FANCA: variants seen among roughly 807,000 people sequenced by gnomAD.
FANCA encodes FA complementation group A.
FANCA carries 236 observed loss-of-function variants against 194.3 expected under a neutral mutation model. The observed-to-expected ratio is 1.21, with a 90% CI of 1.09 to 1.35. FANCA has a LOEUF of 1.35. FANCA is among the 40% of genes most tolerant of loss of function. The pLI, the probability that FANCA is intolerant of heterozygous loss-of-function variation, is 0.00. For missense variants in FANCA, 2,628 were observed against 1,813.9 expected, an observed-to-expected ratio of 1.45 and a Z score of -8.15; for synonymous variants, 1,014 against 715.8, an observed-to-expected ratio of 1.42 and a Z score of -6.65.
chr16:89,758,495 A>G (rs1231219898), intron 30 of FANCA, 82 bp downstream of exon 30: 7 of 1,552,526 alleles, frequency 4.5e-6, no homozygotes, highest in African/African-American at 1.4e-5. Flanking sequence ...GATGGGCACC[A>G]GCATGGCCAG....
chr16:89,768,319 G>C (rs2039199913), intron 26 of FANCA, among the ~76,000 whole-genome samples: 1 of 152,204 alleles, frequency 6.6e-6, no homozygotes, highest in Non-Finnish European at 1.5e-5. Context: ...TGAGGCAATG[G>C]AGATGTCAAA....
At chr16:89,802,341 G>T (rs1226450176) in intron 8 of FANCA, among the ~76,000 whole-genome samples, 1 of 151,476 alleles carries the variant, frequency 6.6e-6, no homozygotes, top group African/African-American at 2.4e-5. Context: ...GACCTCAGGG[G>T]ATCCACCAGT....
chr16:89,768,220 CTG>C (rs2039197006), intron 26 of FANCA, among the ~76,000 whole-genome samples: 1 of 152,126 alleles, frequency 6.6e-6, no homozygotes, highest in Admixed American at 6.6e-5. Context: ...ACAGTGAGAC[CTG>C]TGTCATTTAC....
At chr16:89,800,150 T>C (rs1041421263) in intron 8 of FANCA, among the ~76,000 whole-genome samples, 30 of 152,238 alleles carry the variant, frequency 2.0e-4, no homozygotes, top group Admixed American at 1.8e-3. Context: ...CCTGAGGCCA[T>C]GAGCCTAGGG....
At chr16:89,770,655 T>C (rs1445972838) in intron 23 of FANCA, 21 bp from the exon 24 acceptor site, 2 of 1,589,934 alleles carry the variant, frequency 1.3e-6, no homozygotes, top group East Asian at 4.6e-5. Flanking sequence ...ACAGTTCTCA[T>C]GAGCGTGGTG....
intron 14 of FANCA, among the ~76,000 whole-genome samples, chr16:89,789,902 C>G (rs1302074398): frequency 6.6e-6 from 1 of 152,132 alleles, no homozygotes; most frequent in Non-Finnish European, 1.5e-5. Context: ...TCCCTGAGGT[C>G]TCAGGAGCTC....
At chr16:89,788,705 C>T (rs1232041630) in intron 14 of FANCA, among the ~76,000 whole-genome samples, 1 of 151,952 alleles carries the variant, frequency 6.6e-6, no homozygotes. Flanking sequence ...GAAGCGGAGG[C>T]AGGAGGACTG....
At position 89,787,701 on chromosome 16, in the gene FANCA, A is replaced by G. The variant is rs143137055; in HGVS notation, c.1360-2737T>C. Among the ~76,000 whole-genome samples the G allele has an allele frequency of 1.6e-3, 237 of 152,122 alleles. 1 individual carries two copies. The highest frequency in any genetic ancestry group is 5.0e-3 in the African/African-American group (209 of 41,496). On this transcript the variant is annotated intron_variant, in intron 14 of 42. Coordinates refer to ENST00000389301, the MANE Select transcript of FANCA (RefSeq NM_000135.4). ...CAGTGAGCCATGATCACACCACCAC[A>G]TCCCAGCCTGGGAGACAGAACAGAG...
At chr16:89,773,498 G>A (rs541737951) in intron 21 of FANCA, 114 bp from the exon 22 acceptor site, 2 of 797,312 alleles carry the variant, frequency 2.5e-6, no homozygotes, top group East Asian at 5.4e-5. Context: ...GCTGCTGTGT[G>A]TGGCAGACGG....
At position 89,746,816 on chromosome 16, in the gene FANCA, G is replaced by C; in HGVS notation, c.3408+15C>G. 6.4e-7 allele frequency: 1 copy of C among 1,569,172 alleles called. No individual in the cohort carries two copies. Among genetic ancestry groups the C allele is most frequent in the South Asian group, 1.2e-5 (1 of 86,270 alleles). ...TTCTGAGAAGGCCACGAGAGGGGCTGAGGGAGCATCTCACCCTGAAGAAGT... is the reference window on the plus strand; with the variant it reads ...TTCTGAGAAGGCCACGAGAGGGGCTCAGGGAGCATCTCACCCTGAAGAAGT... On this transcript the variant is annotated intron_variant, in intron 34 of 42. Coordinates refer to ENST00000389301, the MANE Select transcript of FANCA (RefSeq NM_000135.4).
chr16:89,787,050 C>A (rs2039921354), intron 14 of FANCA, among the ~76,000 whole-genome samples: 1 of 152,234 alleles, frequency 6.6e-6, no homozygotes, highest in Non-Finnish European at 1.5e-5. Flanking sequence ...ATCTAAGTGA[C>A]ACGCGCAAGC....
chr16:89,754,854 T>C (rs930333643), intron 30 of FANCA, among the ~76,000 whole-genome samples: 1 of 152,188 alleles, frequency 6.6e-6, no homozygotes, highest in Non-Finnish European at 1.5e-5. Flanking sequence ...ATGCAGTCCG[T>C]ATCAGGGTCC....
chr16:89,764,726 C>G lies in FANCA; in HGVS notation c.2778+164G>C, dbSNP rs1251694821. 7.1e-6 allele frequency: 6 copies of G among 847,242 alleles called. No homozygotes were observed. The East Asian group carries it at 1.5e-4, about 21-fold the overall frequency. 52.5% of individuals were successfully genotyped at this position (847,242 alleles called of 1,614,324 possible). A position where few individuals can be genotyped will look rare whatever the true frequency, so the allele number is the denominator to read the frequency against. ...AGACAGTCGGCACACGCACCCTAGA[C>G]TCGAGACGAGGAGACAGTCGGCACA... On this transcript the variant is annotated intron_variant, in intron 28 of 42. Coordinates refer to ENST00000389301, the MANE Select transcript of FANCA (RefSeq NM_000135.4).
At chr16:89,774,217 T>G (rs976951349) in intron 21 of FANCA, among the ~76,000 whole-genome samples, 6 of 152,164 alleles carry the variant, frequency 3.9e-5, no homozygotes, top group African/African-American at 1.4e-4. Context: ...TCACAGGCTC[T>G]AGAAATCATA....
chr16:89,761,672 T>G (rs930484492), intron 29 of FANCA, among the ~76,000 whole-genome samples: 1 of 152,156 alleles, frequency 6.6e-6, no homozygotes, highest in African/African-American at 2.4e-5. Flanking sequence ...TTGCACAGGC[T>G]AAAGTGCAGT....
At position 89,779,901 on chromosome 16, in the gene FANCA, C is replaced by T. The variant is rs143451067; in HGVS notation, c.1683G>A (p.Thr561=). 169 of 1,614,046 alleles carry T rather than the reference C, an allele frequency of 1.0e-4. No individual in the cohort carries two copies. The Admixed American group carries it at 2.5e-3, about 24-fold the overall frequency. The part of the protein sequence containing the change: ...VEKAIMVFEH[T]GNIPVTVMEA... ...CCATGACGGTGACTGGGATGTTCCC[C>T]GTATGCTCAAACACCATGATGGCCT... is the stretch of plus-strand genomic sequence containing the variant. The change falls in exon 18 of 43, where the codon ACG becomes ACA. Residue 561 remains threonine (T), a synonymous_variant. Transcript: ENST00000389301.
At position 89,740,694 on chromosome 16, in the gene FANCA, C is replaced by T. The variant is rs2151716400; in HGVS notation, c.3828+110G>A. 2.9e-5 allele frequency: 25 copies of T among 851,314 alleles called. 1 individual carries two copies. The South Asian group carries it at 3.6e-4, about 12-fold the overall frequency. 52.7% of individuals were successfully genotyped at this position (851,314 alleles called of 1,614,324 possible). A position where few individuals can be genotyped will look rare whatever the true frequency, so the allele number is the denominator to read the frequency against. On this transcript the variant is annotated intron_variant, in intron 38 of 42. Transcript: ENST00000389301. Reference sequence around the variant, plus strand: ...GTTCTCACTCACACTTCCGCAAACACAAGGAGCTCCTGAGCTAGTCTGGAA... The same window carrying T: ...GTTCTCACTCACACTTCCGCAAACATAAGGAGCTCCTGAGCTAGTCTGGAA...
chr16:89,751,251 A>G (rs548024630), intron 31 of FANCA, among the ~76,000 whole-genome samples: 9 of 152,256 alleles, frequency 5.9e-5, no homozygotes, highest in Admixed American at 5.2e-4. Flanking sequence ...CTGTAATCCA[A>G]CAATTTTGGA....
chr16:89,797,209 T>C (rs1035033753), intron 10 of FANCA, among the ~76,000 whole-genome samples: 3 of 152,102 alleles, frequency 2.0e-5, no homozygotes, highest in Non-Finnish European at 4.4e-5. Flanking sequence ...CACACACCTA[T>C]AGTCCCAGCT....
Sources: allele counts gnomAD v4.1 joint callset (sites outside exome capture counted in the v4.1 genomes callset), GRCh38; gene constraint gnomAD v4.1.1; transcripts MANE v1.5; gene names NCBI Gene and HGNC (gene_info 2026-07-23, HGNC 2026-07-21).